SYN3: variants seen among roughly 807,000 people sequenced by gnomAD.
SYN3 encodes the protein synapsin-3.
Under a neutral mutation model 65.8 loss-of-function variants are expected in SYN3, and 35 were observed. The ratio of observed to expected loss-of-function variants is 0.53; its 90% CI spans 0.41 to 0.70. SYN3 has a LOEUF of 0.70. SYN3 is among the 30% of genes least tolerant of loss of function. The pLI is 0.00. For missense variants in SYN3, 680 were observed against 749.0 expected (o/e 0.91, Z 1.08); for synonymous variants, 270 against 292.9 (o/e 0.92, Z 0.80).
intron 6 of SYN3, among the ~76,000 whole-genome samples, chr22:32,830,460 A>G (rs1174305539): frequency 6.6e-6 from 1 of 152,152 alleles, no homozygotes; most frequent in Non-Finnish European, 1.5e-5. Context: ...CTGGTGCCCA[A>G]GTGCTCATGT....
At chr22:32,795,640 T>G (rs942279918) in intron 6 of SYN3, among the ~76,000 whole-genome samples, 1 of 151,964 alleles carries the variant, frequency 6.6e-6, no homozygotes, top group Non-Finnish European at 1.5e-5. Context: ...TGGGAGAGTG[T>G]GGAGGCTAAA....
chr22:32,760,755 C>T (rs977895706), intron 6 of SYN3, among the ~76,000 whole-genome samples: 1 of 152,176 alleles, frequency 6.6e-6, no homozygotes, highest in Non-Finnish European at 1.5e-5. Flanking sequence ...AGGAAAATGT[C>T]AGCAGGCCTC....
At chr22:32,714,790 G>T (rs1308387592) in intron 6 of SYN3, among the ~76,000 whole-genome samples, 1 of 152,044 alleles carries the variant, frequency 6.6e-6, no homozygotes, top group Non-Finnish European at 1.5e-5. Flanking sequence ...TTGATCTTTT[G>T]TTTCCTCATT....
chr22:32,613,730 A>G (rs1222713489), intron 6 of SYN3, among the ~76,000 whole-genome samples: 1 of 152,062 alleles, frequency 6.6e-6, no homozygotes, highest in Non-Finnish European at 1.5e-5. Context: ...ATTATTACGT[A>G]TTGACTGAAC....
intron 2 of SYN3, among the ~76,000 whole-genome samples, chr22:32,996,640 A>G (rs2052888561): frequency 6.6e-6 from 1 of 152,230 alleles, no homozygotes; most frequent in Non-Finnish European, 1.5e-5. Flanking sequence ...CACATCTTTA[A>G]TATCTAAACA....
intron 6 of SYN3, among the ~76,000 whole-genome samples, chr22:32,738,930 A>G (rs2061367090): frequency 6.6e-6 from 1 of 152,260 alleles, no homozygotes; most frequent in Non-Finnish European, 1.5e-5. Context: ...ACTCACCTGC[A>G]GATATAAGCT....
intron 6 of SYN3, among the ~76,000 whole-genome samples, chr22:32,750,089 G>T (rs1448800727): frequency 6.6e-6 from 1 of 152,038 alleles, no homozygotes; most frequent in Non-Finnish European, 1.5e-5. Context: ...CTAGGTGCTA[G>T]AGACACGGTG....
At chr22:32,574,792 A>G (rs749068789) in intron 7 of SYN3, among the ~76,000 whole-genome samples, 1 of 152,206 alleles carries the variant, frequency 6.6e-6, no homozygotes, top group Non-Finnish European at 1.5e-5. Context: ...AAAGCAGCCC[A>G]TCTGTTACTC....
At chr22:32,727,954 G>C (rs1411739769) in intron 6 of SYN3, among the ~76,000 whole-genome samples, 2 of 152,122 alleles carry the variant, frequency 1.3e-5, no homozygotes. Flanking sequence ...ACAACCATCC[G>C]ATCTTTGATA....
intron 1 of SYN3, among the ~76,000 whole-genome samples, chr22:33,050,857 G>A (rs1009539327): frequency 6.6e-6 from 1 of 152,132 alleles, no homozygotes; most frequent in African/African-American, 2.4e-5. Context: ...GCAGAGTGGG[G>A]TTAATTTTAC....
At position 33,040,780 on chromosome 22, in the gene SYN3, C is replaced by T. The variant is rs563608541; in HGVS notation, c.-163+17512G>A. On this transcript the variant is annotated intron_variant, in intron 1 of 13. Transcript: ENST00000358763. ...GCGTCTGTCATTTCCCCTGCTTGCACTTCTCCTTCATGCTGCCTTGCGAAG... is the reference window on the plus strand; with the variant it reads ...GCGTCTGTCATTTCCCCTGCTTGCATTTCTCCTTCATGCTGCCTTGCGAAG... Among the ~76,000 whole-genome samples the T allele has an allele frequency of 2.6e-5, 4 of 152,314 alleles. No homozygotes were observed. The South Asian group carries it at 8.3e-4, about 32-fold the overall frequency.
At chr22:32,602,782 G>T (rs141377037) in intron 6 of SYN3, among the ~76,000 whole-genome samples, 1 of 152,052 alleles carries the variant, frequency 6.6e-6, no homozygotes, top group African/African-American at 2.4e-5. Context: ...TTTAATAATA[G>T]CTGCACCGTC....
intron 6 of SYN3, among the ~76,000 whole-genome samples, chr22:32,697,862 C>T (rs1638288432): frequency 6.6e-6 from 1 of 152,214 alleles, no homozygotes; most frequent in African/African-American, 2.4e-5. Context: ...AGCACTCACA[C>T]ATTTCTGCTT....
At chr22:32,659,373 C>T (rs971238041) in intron 6 of SYN3, among the ~76,000 whole-genome samples, 3 of 152,086 alleles carry the variant, frequency 2.0e-5, no homozygotes, top group African/African-American at 7.2e-5. Context: ...TACATGTAAG[C>T]CAGATTGCTT....
chr22:32,710,099 A>ACACG (rs1555931598), intron 6 of SYN3, among the ~76,000 whole-genome samples: 92 of 65,632 alleles, frequency 1.4e-3, no homozygotes, highest in Admixed American at 2.1e-3. Context: ...ACACACACAC[A>ACACG]TGTGTGTGTG....
intron 7 of SYN3, among the ~76,000 whole-genome samples, chr22:32,575,443 G>GTCT (rs992081210): frequency 6.6e-6 from 1 of 152,148 alleles, no homozygotes; most frequent in African/African-American, 2.4e-5. Context: ...GGGGGTGGGG[G>GTCT]TCTTCCAGAG....
At chr22:32,717,457 T>C (rs970188376) in intron 6 of SYN3, among the ~76,000 whole-genome samples, 5 of 152,182 alleles carry the variant, frequency 3.3e-5, no homozygotes, top group African/African-American at 1.2e-4. Flanking sequence ...GTGAGGGCTG[T>C]GCATGTGGCT....
Position 32,510,847 on chromosome 22 carries a change from C to T in SYN3, c.*2845G>A, listed in dbSNP as rs950398921. Among the ~76,000 whole-genome samples, 1 of 152,024 alleles carries T rather than the reference C, an allele frequency of 6.6e-6. No homozygotes were observed. The highest frequency in any genetic ancestry group is 2.4e-5 in the African/African-American group (1 of 41,346). ...TGGTTCTTTCATCGTGTGACTTATA[C>T]TAGTGATCCCTATCTTCTTGGGGGC... On this transcript the variant is annotated 3_prime_UTR_variant, in exon 14 of 14. Coordinates refer to ENST00000358763, the MANE Select transcript of SYN3 (RefSeq NM_003490.4).
chr22:32,693,388 T>G (rs1410643193), intron 6 of SYN3, among the ~76,000 whole-genome samples: 1 of 152,090 alleles, frequency 6.6e-6, no homozygotes, highest in East Asian at 1.9e-4. Context: ...CAGGACGAGA[T>G]TTCGTCGTGC....
Sources: allele counts gnomAD v4.1 joint callset (sites outside exome capture counted in the v4.1 genomes callset), GRCh38; gene constraint gnomAD v4.1.1; transcripts MANE v1.5; gene names NCBI Gene and HGNC (gene_info 2026-07-23, HGNC 2026-07-21).